Variants in DYSF observed in about 807,000 individuals in gnomAD.
DYSF encodes dystrophy-associated fer-1-like 1.
In DYSF, 212 loss-of-function variants were observed where a neutral mutation model predicts 274.9. The observed-to-expected ratio is 0.77, with a 90% confidence interval of 0.69 to 0.86. The LOEUF is 0.86. DYSF is among the 40% of genes least tolerant of loss of function. The pLI is 0.00. For synonymous variants in DYSF, 1,091 were observed against 1,078.7 expected (o/e 1.01, Z -0.22); for missense variants, 2,666 against 2,783.2 (o/e 0.96, Z 0.95).
At chr2:71,457,875 C>T (rs564224105) in intron 1 of DYSF, among the ~76,000 whole-genome samples, 227 of 152,216 alleles carry the variant, frequency 1.5e-3, no homozygotes, top group African/African-American at 4.8e-3. Flanking sequence ...GCAGGTGCTC[C>T]GGGACTTCCA....
intron 3 of DYSF, among the ~76,000 whole-genome samples, chr2:71,484,994 C>T (rs944985494): frequency 3.9e-5 from 6 of 152,218 alleles, no homozygotes; most frequent in Admixed American, 6.5e-5. Flanking sequence ...GAGCAGTTCA[C>T]TGCAGGGCTG....
intron 30 of DYSF, among the ~76,000 whole-genome samples, chr2:71,579,452 A>G (rs371119828): frequency 5.9e-4 from 90 of 152,242 alleles, no homozygotes; most frequent in African/African-American, 2.1e-3. Flanking sequence ...GAGCATCTTG[A>G]TATTGGATGG....
At chr2:71,560,573 T>A (rs1180221773) in intron 22 of DYSF, among the ~76,000 whole-genome samples, 1 of 151,784 alleles carries the variant, frequency 6.6e-6, no homozygotes, top group Non-Finnish European at 1.5e-5. Context: ...TTTCCCGAGA[T>A]GGAGTTTGCG....
At chr2:71,593,308 A>G (rs1417602431) in intron 32 of DYSF, among the ~76,000 whole-genome samples, 1 of 151,664 alleles carries the variant, frequency 6.6e-6, no homozygotes, top group African/African-American at 2.4e-5. Flanking sequence ...AATTTTTTGT[A>G]TTAGTAGAGA....
intron 31 of DYSF, 61 bp from the exon 32 acceptor site, chr2:71,590,150 C>T: frequency 6.4e-7 from 1 of 1,565,542 alleles, no homozygotes; most frequent in Non-Finnish European, 8.8e-7. Context: ...TCCCCCCGAG[C>T]CCCAGCTCTT....
At chr2:71,651,932 GT>G (rs1412185444) in intron 42 of DYSF, among the ~76,000 whole-genome samples, 1 of 152,150 alleles carries the variant, frequency 6.6e-6, no homozygotes, top group Non-Finnish European at 1.5e-5. Flanking sequence ...ATTCAATAAA[GT>G]TTAATATCTA....
rs1278813892 is a variant in DYSF at position 71,611,017 on chromosome 2, TGAACCCTG to T, written c.3958-225_3958-218del. 225 of 593,708 alleles carry T rather than the reference TGAACCCTG, an allele frequency of 3.8e-4. 1 individual carries two copies. In the East Asian group the frequency reaches 6.7e-3, roughly 18 times the overall value. The allele number at this position is 593,708 out of a possible 1,614,324, so 36.8% of individuals were successfully genotyped here. On this transcript the variant is annotated intron_variant, in intron 36 of 55. Coordinates refer to ENST00000410020, the MANE Select transcript of DYSF (RefSeq NM_001130987.2). ...GGGATTCAGTTGGAACAAGGTGACC[TGAACCCTG>T]GATGAAGGTGCTGGAATTGTGATCC...
chr2:71,679,489 A>T (rs2095269352), intron 53 of DYSF, among the ~76,000 whole-genome samples: 1 of 151,656 alleles, frequency 6.6e-6, no homozygotes, highest in Non-Finnish European at 1.5e-5. Flanking sequence ...CTCTGTTTAT[A>T]CTCTACTCAT....
chr2:71,456,476 G>C (rs946029929), intron 1 of DYSF, among the ~76,000 whole-genome samples: 1 of 152,120 alleles, frequency 6.6e-6, no homozygotes, highest in South Asian at 2.1e-4. Context: ...AGAAGACTTC[G>C]GTCTCAGGGA....
At chr2:71,640,740 CGTGT>C (rs70963107) in intron 41 of DYSF, among the ~76,000 whole-genome samples, 6,169 of 148,258 alleles carry the variant, frequency 0.042, 242 homozygotes, top group African/African-American at 0.11. Context: ...GAGATTAATC[CGTGT>C]GTGTGTGTGT....
chr2:71,584,202 G>A (rs1440268329), intron 30 of DYSF, among the ~76,000 whole-genome samples: 1 of 151,856 alleles, frequency 6.6e-6, no homozygotes, highest in Non-Finnish European at 1.5e-5. Context: ...GGGGGTGAAG[G>A]GTGGGTGGGC....
At chr2:71,516,294 G>A (rs753513996) in intron 9 of DYSF, 52 bp downstream of exon 9, 1 of 1,548,354 alleles carries the variant, frequency 6.5e-7, no homozygotes, top group African/African-American at 1.4e-5. Flanking sequence ...ATGCACATAG[G>A]TGTCAGTGCA....
chr2:71,469,980 C>G (rs2081857576), intron 1 of DYSF, among the ~76,000 whole-genome samples: 1 of 152,174 alleles, frequency 6.6e-6, no homozygotes, highest in Non-Finnish European at 1.5e-5. Flanking sequence ...GTGCCTGGTG[C>G]TTTTCTAGGT....
chr2:71,628,308 A>G (rs1442923926), intron 41 of DYSF, among the ~76,000 whole-genome samples: 7 of 152,026 alleles, frequency 4.6e-5, no homozygotes, highest in Non-Finnish European at 1.0e-4. Context: ...TCACCTATCA[A>G]TTTGCAAACT....
chr2:71,538,984 C>G lies in DYSF; in HGVS notation c.1494-173C>G, dbSNP rs150000657. On this transcript the variant is annotated intron_variant, in intron 16 of 55. Coordinates refer to ENST00000410020, the MANE Select transcript of DYSF (RefSeq NM_001130987.2). ...CTTGGGCAAACCTCCTGTGCAGTGT[C>G]TTCATCTCTGGGATTACCAGGCCTC... is the stretch of plus-strand genomic sequence containing the variant. Among the ~76,000 whole-genome samples, 290 of 152,280 alleles carry G rather than the reference C, an allele frequency of 1.9e-3. 1 individual carries two copies. Among genetic ancestry groups the G allele is most frequent in the African/African-American group, 6.1e-3 (254 of 41,562 alleles).
chr2:71,667,584 G>A, intron 48 of DYSF, 69 bp downstream of exon 48: 1 of 1,601,134 alleles, frequency 6.2e-7, no homozygotes, highest in East Asian at 2.3e-5. Flanking sequence ...GGACAACATG[G>A]ATATCCCAGA....
At chr2:71,680,882 AC>A in intron 53 of DYSF, 118 bp from the exon 54 acceptor site, 1 of 818,008 alleles carries the variant, frequency 1.2e-6, no homozygotes, top group East Asian at 2.6e-5. Flanking sequence ...ATGTTCAGAA[AC>A]CCTACATCTT....
chr2:71,513,599 G>T, intron 6 of DYSF, 117 bp from the exon 7 acceptor site: 2 of 1,045,940 alleles, frequency 1.9e-6, no homozygotes, highest in Non-Finnish European at 2.9e-6. Flanking sequence ...GAGGAAGAGG[G>T]GATGAGTCTT....
At chr2:71,543,900 ACCGTG>A (rs2090221820) in intron 17 of DYSF, among the ~76,000 whole-genome samples, 1 of 139,744 alleles carries the variant, frequency 7.2e-6, no homozygotes, top group Non-Finnish European at 1.6e-5. Flanking sequence ...GGAGAGGGAG[ACCGTG>A]GGGAGAGGGG....
Sources: allele counts gnomAD v4.1 joint callset (sites outside exome capture counted in the v4.1 genomes callset), GRCh38; gene constraint gnomAD v4.1.1; transcripts MANE v1.5; gene names NCBI Gene and HGNC (gene_info 2026-07-23, HGNC 2026-07-21).